The following CGGBP1 variants were observed in gnomAD, a reference collection of about 807,000 sequenced individuals.
CGGBP1 encodes the protein CGG triplet repeat-binding protein 1.
Under a neutral mutation model 11.4 loss-of-function variants are expected in CGGBP1, and 4 were observed. That is an observed-to-expected ratio of 0.35 (90% CI 0.17 to 0.80). The LOEUF (loss-of-function observed/expected upper bound fraction) is 0.80, where lower values mean the gene tolerates loss of function less well. CGGBP1 is among the 30% of genes least tolerant of loss of function. The probability of loss-of-function intolerance (pLI) is 0.52; values close to 1 mark genes in which losing one functional copy is unlikely to be tolerated. For missense variants in CGGBP1, 135 were observed against 202.1 expected (o/e 0.67, Z 2.01); for synonymous variants, 76 against 74.1 (o/e 1.03, Z -0.13).
chr3:88,097,342 T>G (rs1704123068), intron 2 of CGGBP1, among the ~76,000 whole-genome samples: 1 of 151,994 alleles, frequency 6.6e-6, no homozygotes, highest in East Asian at 1.9e-4. Context: ...AGAACCAGTT[T>G]TCTCACACCT....
intron 2 of CGGBP1, among the ~76,000 whole-genome samples, chr3:88,067,886 CTTTT>C (rs76481798): frequency 7.2e-6 from 1 of 139,626 alleles, no homozygotes; most frequent in Non-Finnish European, 1.6e-5. Flanking sequence ...TCTTTTCTTT[CTTTT>C]TTTTTTTTTA....
At chr3:88,072,077 TC>T (rs1442455424) in intron 2 of CGGBP1, among the ~76,000 whole-genome samples, 1 of 152,172 alleles carries the variant, frequency 6.6e-6, no homozygotes, top group African/African-American at 2.4e-5. Flanking sequence ...TAGAGGGTAT[TC>T]CTTTAAGAAA....
In CGGBP1 at chr3:88,092,336, T is replaced by C. The variant is rs574676800; in HGVS notation, c.-228-34113A>G. ...ATATAAGATAGATAAATTCTTGTTCTCCAAGATGTTACAGAGCTAAGAGAT... is the reference window on the plus strand; with the variant it reads ...ATATAAGATAGATAAATTCTTGTTCCCCAAGATGTTACAGAGCTAAGAGAT... On this transcript the variant is annotated intron_variant, in intron 2 of 3. Coordinates refer to the CGGBP1 transcript ENST00000462901. Among the ~76,000 whole-genome samples, 3 of 152,328 alleles carry C rather than the reference T, an allele frequency of 2.0e-5. No homozygotes were observed. In the East Asian group the frequency reaches 5.8e-4, roughly 29 times the overall value.
chr3:88,086,488 A>G, intron 2 of CGGBP1: 1 of 1,186,568 alleles, frequency 8.4e-7, no homozygotes, highest in Admixed American at 3.2e-5. Context: ...TGAAGAAGAA[A>G]CCTTTCCTAA....
intron 2 of CGGBP1, among the ~76,000 whole-genome samples, chr3:88,095,250 A>T (rs12489387): frequency 0.057 from 8,676 of 152,086 alleles, 274 homozygotes; most frequent in Admixed American, 0.079. Context: ...ACTATCAGTT[A>T]TGTTAAAGAG....
At chr3:88,116,854 G>A (rs747134195) in intron 2 of CGGBP1, among the ~76,000 whole-genome samples, 6 of 152,038 alleles carry the variant, frequency 3.9e-5, no homozygotes, top group Admixed American at 1.3e-4. Context: ...CTTTGTTTGG[G>A]CATGAAGGAT....
At chr3:88,095,447 C>T (rs544910623) in intron 2 of CGGBP1, 11 of 356,978 alleles carry the variant, frequency 3.1e-5, no homozygotes, top group South Asian at 2.5e-4. Context: ...TTTCTGTATC[C>T]TCAAGGTACG....
chr3:88,106,980 T>C (rs758245703), intron 2 of CGGBP1, among the ~76,000 whole-genome samples: 1 of 152,216 alleles, frequency 6.6e-6, no homozygotes, highest in Non-Finnish European at 1.5e-5. Context: ...TGTCTGTTCG[T>C]GTGCCAACAC....
chr3:88,102,391 A>G (rs770953650), intron 2 of CGGBP1, among the ~76,000 whole-genome samples: 8 of 151,756 alleles, frequency 5.3e-5, no homozygotes, highest in Admixed American at 1.3e-4. Context: ...CTATTGCTGT[A>G]CCTTTATTTT....
At chr3:88,104,928 C>T (rs1411945116) in intron 2 of CGGBP1, among the ~76,000 whole-genome samples, 2 of 152,186 alleles carry the variant, frequency 1.3e-5, no homozygotes, top group Non-Finnish European at 2.9e-5. Context: ...TACTTCAGGC[C>T]GGAAGTTTGA....
At chr3:88,129,962 T>TC in intron 2 of CGGBP1, 5 of 695,676 alleles carry the variant, frequency 7.2e-6, no homozygotes, top group Non-Finnish European at 1.0e-5. Context: ...CAAGGAACAA[T>TC]AGTAGATTCT....
chr3:88,109,472 TA>T (rs2107751412), intron 2 of CGGBP1, among the ~76,000 whole-genome samples: 1 of 152,262 alleles, frequency 6.6e-6, no homozygotes, highest in Admixed American at 6.5e-5. Flanking sequence ...CTTAAATTGG[TA>T]AGTGGATTTC....
At chr3:88,085,649 C>A (rs1223293048) in intron 2 of CGGBP1, among the ~76,000 whole-genome samples, 2 of 152,128 alleles carry the variant, frequency 1.3e-5, no homozygotes, top group Non-Finnish European at 2.9e-5. Context: ...TTGTCATCTC[C>A]ATTTTATGGT....
chr3:88,137,028 C>G (rs1313382218), intron 2 of CGGBP1, among the ~76,000 whole-genome samples: 1 of 151,774 alleles, frequency 6.6e-6, no homozygotes, highest in African/African-American at 2.4e-5. Flanking sequence ...AACCCCATCT[C>G]TACTAAAAAT....
chr3:88,089,733 T>A (rs996491733), intron 2 of CGGBP1, among the ~76,000 whole-genome samples: 5 of 152,140 alleles, frequency 3.3e-5, no homozygotes, highest in African/African-American at 1.2e-4. Context: ...CTACTACAGA[T>A]CCCAAAAATA....
chr3:88,149,269 T>C (rs1198723311), intron 1 of CGGBP1, among the ~76,000 whole-genome samples: 1 of 151,798 alleles, frequency 6.6e-6, no homozygotes, highest in Non-Finnish European at 1.5e-5. Flanking sequence ...CATTGGAAAC[T>C]GAAGGGGAAA....
intron 2 of CGGBP1, among the ~76,000 whole-genome samples, chr3:88,065,830 G>A (rs1707165468): frequency 6.6e-6 from 1 of 152,044 alleles, no homozygotes; most frequent in African/African-American, 2.4e-5. Context: ...GGGCTAAAGC[G>A]CTTCTCAGCA....
chr3:88,091,717 A>G (rs566479828), intron 2 of CGGBP1, among the ~76,000 whole-genome samples: 54 of 152,250 alleles, frequency 3.5e-4, no homozygotes, highest in African/African-American at 1.3e-3. Flanking sequence ...TGTTCTCATG[A>G]TAGTGAATAA....
intron 2 of CGGBP1, among the ~76,000 whole-genome samples, chr3:88,069,988 A>G (rs1707415850): frequency 6.6e-6 from 1 of 152,186 alleles, no homozygotes; most frequent in South Asian, 2.1e-4. Flanking sequence ...TATCTGTCGT[A>G]CTGTCATTTG....
Sources: gnomAD v4.1 joint callset for allele counts (sites outside exome capture counted in the v4.1 genomes callset) on GRCh38, gnomAD v4.1.1 for gene constraint, MANE v1.5 for transcripts, NCBI Gene and HGNC (gene_info 2026-07-23, HGNC 2026-07-21) for gene names.